UGT1A6: variants seen among roughly 807,000 people sequenced by gnomAD.
UGT1A6 encodes UDP-glucuronosyltransferase 1A6.
Under a neutral mutation model 44.4 loss-of-function variants are expected in UGT1A6, and 32 were observed. The observed-to-expected ratio is 0.72, with a 90% CI of 0.54 to 0.97. UGT1A6 has a LOEUF of 0.97. Among genes scored for constraint, UGT1A6 ranks in the 50% least tolerant of loss-of-function variants. The pLI, the probability that UGT1A6 is intolerant of heterozygous loss-of-function variation, is 0.00. For missense variants in UGT1A6, 685 were observed against 661.9 expected (o/e 1.03, Z -0.38); for synonymous variants, 238 against 248.5 (o/e 0.96, Z 0.40).
In UGT1A6 at chr2:233,772,302, G is replaced by A. The variant is rs1458644938; in HGVS notation, c.1342G>A (p.Asp448Asn). Residue 448 changes from aspartate to asparagine, a missense_variant, in exon 5 of 5, where the codon GAC becomes AAC. Physicochemically the swap from Asp to Asn is conservative, Grantham distance 23. Coordinates refer to ENST00000305139, the MANE Select transcript of UGT1A6 (RefSeq NM_001072.4). ...CATGCGCCTCTCCAGCCTTCACAAG[G>A]ACCGCCCGGTGGAGCCGCTGGACCT... ...NIMRLSSLHK[D>N]RPVEPLDLAV... 1 of 1,614,232 alleles carries A rather than the reference G, an allele frequency of 6.2e-7. No individual in the cohort carries two copies.
Position 233,693,345 on chromosome 2 carries a change from A to G in UGT1A6, c.341A>G (p.Asn114Ser), listed in dbSNP as rs1317814742. Residue 114 changes from asparagine to serine, a missense_variant, in exon 1 of 5, where the codon AAT becomes AGT. Coordinates refer to ENST00000305139, the MANE Select transcript of UGT1A6 (RefSeq NM_001072.4). ...FLTAPQTEYRNNMIVIGLYFI... is the reference protein window; with the variant it reads ...FLTAPQTEYRSNMIVIGLYFI... Reference sequence around the variant, plus strand: ...ACTGCTCCTCAGACAGAGTACAGGAATAACATGATTGTTATTGGCCTGTAC... The same window carrying G: ...ACTGCTCCTCAGACAGAGTACAGGAGTAACATGATTGTTATTGGCCTGTAC... The G allele has an allele frequency of 6.2e-7, 1 of 1,614,210 alleles. No individual in the cohort carries two copies. The highest frequency in any genetic ancestry group is 2.2e-5 in the East Asian group (1 of 44,894).
chr2:233,716,897 A>C lies in UGT1A6; in HGVS notation c.861+23032A>C, dbSNP rs1240550943. ...ATCTGTGCAGCCCAGACCCCTCCTCATCTCCAGACCCTGGAAGCTGATGCC... is the reference window on the plus strand; with the variant it reads ...ATCTGTGCAGCCCAGACCCCTCCTCCTCTCCAGACCCTGGAAGCTGATGCC... On this transcript the variant is annotated intron_variant, in intron 1 of 4. Transcript: ENST00000305139. 3.3e-5 allele frequency among the ~76,000 whole-genome samples: 5 copies of C among 151,990 alleles called. No individual in the cohort carries two copies. The East Asian group carries it at 9.6e-4, about 29-fold the overall frequency.
chr2:233,758,419 A>C (rs1696871413), intron 1 of UGT1A6, among the ~76,000 whole-genome samples: 1 of 152,240 alleles, frequency 6.6e-6, no homozygotes, highest in Non-Finnish European at 1.5e-5. Context: ...TATAATCTGC[A>C]AATGAACTCA....
intron 1 of UGT1A6, among the ~76,000 whole-genome samples, chr2:233,700,067 T>C (rs1334883521): frequency 6.6e-6 from 1 of 152,186 alleles, no homozygotes; most frequent in Non-Finnish European, 1.5e-5. Flanking sequence ...CAGTGGTGTC[T>C]ACCCAGCAAG....
intron 1 of UGT1A6, chr2:233,747,304 G>A: frequency 6.2e-7 from 1 of 1,602,730 alleles, no homozygotes; most frequent in East Asian, 2.2e-5. Flanking sequence ...GAGTGGGAAG[G>A]TGCTGGTGGT....
chr2:233,739,303 T>C (rs1302009262), intron 1 of UGT1A6, among the ~76,000 whole-genome samples: 34 of 152,248 alleles, frequency 2.2e-4, no homozygotes, highest in Non-Finnish European at 1.2e-4. Context: ...GGGCACTGCC[T>C]AGTGGAGTTG....
intron 1 of UGT1A6, among the ~76,000 whole-genome samples, chr2:233,715,142 T>C (rs555034486): frequency 2.0e-5 from 3 of 152,334 alleles, no homozygotes; most frequent in Admixed American, 2.0e-4. Flanking sequence ...CACCTCAGCC[T>C]GCCAAAGTGC....
At chr2:233,747,459 T>C (rs1388403150) in intron 1 of UGT1A6, 44 of 1,608,972 alleles carry the variant, frequency 2.7e-5, no homozygotes, top group Non-Finnish European at 3.4e-5. Context: ...CTATGCCATT[T>C]CATGGACCCA....
chr2:233,717,511 GA>G (rs781193687), intron 1 of UGT1A6, among the ~76,000 whole-genome samples: 30 of 152,328 alleles, frequency 2.0e-4, no homozygotes, highest in Non-Finnish European at 3.5e-4. Context: ...TTTCTAATGG[GA>G]GTAACTTCCT....
Position 233,710,873 on chromosome 2 carries a change from A to C in UGT1A6, c.861+17008A>C, listed in dbSNP as rs78642251. ...TGTTTCTATGTTTTTTAAAAAAGTT[A>C]AACAGTTTAAGTTTGTAGGTTTGGG... On this transcript the variant is annotated intron_variant, in intron 1 of 4. Coordinates refer to ENST00000305139, the MANE Select transcript of UGT1A6 (RefSeq NM_001072.4). 4.5e-4 allele frequency among the ~76,000 whole-genome samples: 69 copies of C among 152,350 alleles called. No homozygotes were observed. In the East Asian group the frequency reaches 0.012, roughly 27 times the overall value.
chr2:233,699,099 T>A (rs1370746002), intron 1 of UGT1A6, among the ~76,000 whole-genome samples: 1 of 152,204 alleles, frequency 6.6e-6, no homozygotes, highest in Non-Finnish European at 1.5e-5. Context: ...GTGCACCTCA[T>A]CACCTGCCCC....
intron 1 of UGT1A6, among the ~76,000 whole-genome samples, chr2:233,749,893 C>G (rs141027223): frequency 8.5e-5 from 13 of 152,056 alleles, no homozygotes; most frequent in East Asian, 5.8e-4. Context: ...GAGGCTCCCC[C>G]CTCCAGCCAC....
rs1413037235 is a variant in UGT1A6, at chr2:233,728,990, C to T, written c.861+35125C>T. 4.6e-6 allele frequency: 7 copies of T among 1,537,926 alleles called. No homozygotes were observed. In the Admixed American group the frequency reaches 1.1e-4, roughly 25 times the overall value. On this transcript the variant is annotated intron_variant, in intron 1 of 4. Coordinates refer to ENST00000305139, the MANE Select transcript of UGT1A6 (RefSeq NM_001072.4). ...TGATAGATTAATGGTTAATAATTAA[C>T]TAGAGGAGGGCACTCTGTCTTCCAA...
intron 1 of UGT1A6, chr2:233,752,526 A>C (rs1482911253): frequency 2.0e-5 from 3 of 152,234 alleles, no homozygotes; most frequent in Non-Finnish European, 4.4e-5. Context: ...AATTCTAAAA[A>C]TTCTTTAAAT....
rs747059242 is a variant in UGT1A6 at position 233,693,604 on chromosome 2, A to T, written c.600A>T (p.Ser200=). The T allele has an allele frequency of 7.4e-6, 12 of 1,614,100 alleles. No individual in the cohort carries two copies. The South Asian group carries it at 1.2e-4, about 16-fold the overall frequency. The change falls in exon 1 of 5, where the codon TCA becomes TCT. Residue 200 remains serine, a synonymous_variant. Transcript: ENST00000305139. ...SYIPRCYTKF[S]DHMTFSQRVA... is the part of the protein sequence containing the mutation. ...TTCCCAGGTGCTACACAAAGTTTTC[A>T]GACCACATGACTTTTTCCCAACGAG... is the stretch of plus-strand genomic sequence containing the variant.
At chr2:233,733,104 CTGTT>C (rs892202373) in intron 1 of UGT1A6, among the ~76,000 whole-genome samples, 2 of 152,132 alleles carry the variant, frequency 1.3e-5, no homozygotes, top group African/African-American at 4.8e-5. Context: ...TGGTTTGGCT[CTGTT>C]TGTCTGTTAT....
chr2:233,702,531 T>C (rs1221422029), intron 1 of UGT1A6, among the ~76,000 whole-genome samples: 1 of 152,214 alleles, frequency 6.6e-6, no homozygotes, highest in Non-Finnish European at 1.5e-5. Flanking sequence ...ATTCTTATCT[T>C]GTTCCTGATC....
At chr2:233,720,048 C>T (rs12466779) in intron 1 of UGT1A6, among the ~76,000 whole-genome samples, 12,140 of 152,146 alleles carry the variant, frequency 0.08, 618 homozygotes, top group East Asian at 0.2. Context: ...TTCAGCTGAA[C>T]GGTGATGCAA....
chr2:233,719,033 A>G, intron 1 of UGT1A6: 2 of 1,614,270 alleles, frequency 1.2e-6, no homozygotes, highest in Admixed American at 1.7e-5. Context: ...ACATCAAAGA[A>G]GAGAAATTTT....
Sources: gnomAD v4.1 joint callset for allele counts (sites outside exome capture counted in the v4.1 genomes callset) on GRCh38, gnomAD v4.1.1 for gene constraint, MANE v1.5 for transcripts, NCBI Gene and HGNC (gene_info 2026-07-23, HGNC 2026-07-21) for gene names.